Variants in KAZN observed in about 807,000 individuals in gnomAD.
The protein encoded by KAZN is kazrin.
In KAZN, 40 loss-of-function variants were observed where a neutral mutation model predicts 87.4. The ratio of observed to expected loss-of-function variants is 0.46; its 90% CI spans 0.36 to 0.60. The LOEUF (loss-of-function observed/expected upper bound fraction) is 0.60, where lower values mean the gene tolerates loss of function less well. Ranked by LOEUF, KAZN falls within the 20% of genes least tolerant of loss-of-function variation. KAZN has a pLI of 0.00. For synonymous variants in KAZN, 466 were observed against 458.3 expected, an observed-to-expected ratio of 1.02 and a Z score of -0.22; for missense variants, 898 against 1,073.9, an observed-to-expected ratio of 0.84 and a Z score of 2.29.
At chr1:14,623,566 A>G (rs2148645681) in intron 1 of KAZN, among the ~76,000 whole-genome samples, 1 of 152,364 alleles carries the variant, frequency 6.6e-6, no homozygotes, top group East Asian at 1.9e-4. Context: ...CTAAATGCTC[A>G]TGACACACAA....
chr1:14,191,810 C>T (rs949905442), intron 2 of KAZN, among the ~76,000 whole-genome samples: 1 of 152,114 alleles, frequency 6.6e-6, no homozygotes, highest in Non-Finnish European at 1.5e-5. Flanking sequence ...GGAAACTGCA[C>T]AGCAGCTGCC....
At chr1:14,488,617 T>C (rs1669478425) in intron 2 of KAZN, among the ~76,000 whole-genome samples, 1 of 152,208 alleles carries the variant, frequency 6.6e-6, no homozygotes, top group South Asian at 2.1e-4. Flanking sequence ...CCTGCCCTCC[T>C]GTAAGCGTCT....
chr1:14,115,353 A>G (rs1395178686), intron 1 of KAZN, among the ~76,000 whole-genome samples: 1 of 152,124 alleles, frequency 6.6e-6, no homozygotes, highest in Non-Finnish European at 1.5e-5. Context: ...TTGAATTCCC[A>G]CATGTTGTGG....
intron 2 of KAZN, among the ~76,000 whole-genome samples, chr1:14,482,007 G>T (rs1032258950): frequency 1.3e-5 from 2 of 152,218 alleles, no homozygotes; most frequent in South Asian, 4.1e-4. Context: ...GTGGCTTAGG[G>T]ACATGGTAAT....
chr1:14,397,609 C>G lies in KAZN; in HGVS notation c.250-201374C>G, dbSNP rs137860715. On this transcript the variant is annotated intron_variant, in intron 2 of 16. Coordinates refer to the KAZN transcript ENST00000636203. ...CGGTGGTTCATGCCTGTAATCCCAACAGTTTGGGAGGCCGAGGCGGGCGGA... is the reference window on the plus strand; with the variant it reads ...CGGTGGTTCATGCCTGTAATCCCAAGAGTTTGGGAGGCCGAGGCGGGCGGA... 8.0e-3 allele frequency among the ~76,000 whole-genome samples: 1,216 copies of G among 152,152 alleles called. 11 individuals carry two copies. Among genetic ancestry groups the G allele is most frequent in the East Asian group, 0.049 (253 of 5,162 alleles).
At chr1:14,167,280 A>G (rs1412949894) in intron 1 of KAZN, among the ~76,000 whole-genome samples, 2 of 152,082 alleles carry the variant, frequency 1.3e-5, no homozygotes, top group South Asian at 2.1e-4. Context: ...TCCATATTTC[A>G]TTGTGTCTTG....
intron 2 of KAZN, among the ~76,000 whole-genome samples, chr1:14,982,123 C>T (rs551956396): frequency 5.9e-5 from 9 of 152,254 alleles, no homozygotes; most frequent in South Asian, 2.1e-4. Flanking sequence ...GTTATCATGC[C>T]GACTTTACAG....
At chr1:14,142,732 G>A (rs373984317) in intron 1 of KAZN, among the ~76,000 whole-genome samples, 15 of 152,284 alleles carry the variant, frequency 9.9e-5, no homozygotes, top group African/African-American at 2.6e-4. Context: ...AGATGGGCCC[G>A]CTGCAGCTGG....
Position 15,066,909 on chromosome 1 carries a change from T to C in KAZN, c.1222+1156T>C. 1.0e-6 allele frequency: 1 copy of C among 985,424 alleles called. No individual in the cohort carries two copies. Among genetic ancestry groups the C allele is most frequent in the Non-Finnish European group, 1.2e-6 (1 of 829,946 alleles). 61.0% of individuals were successfully genotyped at this position (985,424 alleles called of 1,614,324 possible). On this transcript the variant is annotated intron_variant, in intron 8 of 14. Coordinates refer to ENST00000376030, the MANE Select transcript of KAZN (RefSeq NM_201628.3). This position sits in a 1 kb window ranked among gnomAD's most constrained non-coding sequence, Gnocchi z 4.3. Reference sequence around the variant, plus strand: ...TCCCTCCAGGCCTTTCTCTATATATTTATTTATCTGACATACAGAACACGA... The same window carrying C: ...TCCCTCCAGGCCTTTCTCTATATATCTATTTATCTGACATACAGAACACGA...
rs757322157 is a variant in KAZN at position 15,044,030 on chromosome 1, C to G, written c.597C>G (p.Asp199Glu). The stretch of plus-strand genomic sequence containing the variant: ...TCAAAGCGCTGGCCAAGGAGAAGGA[C>G]CTGCTGGAGCGTGAGAAGTGGGAGC... ...DAVKALAKEK[D>E]LLEREKWELR... Residue 199 changes from aspartate (D) to glutamate (E), a missense_variant, in exon 4 of 15, where the codon GAC (aspartate) becomes GAG (glutamate). This residue lies in a region of KAZN where 521 missense variants were observed against 689.4 expected (regional missense o/e 0.76). Transcript: ENST00000376030. The G allele has an allele frequency of 6.2e-7, 1 of 1,612,356 alleles. No homozygotes were observed. The highest frequency in any genetic ancestry group is 8.5e-7 in the Non-Finnish European group (1 of 1,179,740).
chr1:14,354,414 C>A (rs141928537), intron 2 of KAZN, among the ~76,000 whole-genome samples: 214 of 152,130 alleles, frequency 1.4e-3, no homozygotes, highest in African/African-American at 4.5e-3. Context: ...GTGCCTACAT[C>A]CAACAAAGAA....
intron 1 of KAZN, among the ~76,000 whole-genome samples, chr1:14,718,923 TA>T (rs1642949670): frequency 6.6e-6 from 1 of 152,082 alleles, no homozygotes; most frequent in Non-Finnish European, 1.5e-5. Context: ...TGACATGACA[TA>T]AAAAGAGAAG....
At chr1:13,990,845 T>G (rs143801541) in intron 1 of KAZN, among the ~76,000 whole-genome samples, 1 of 152,334 alleles carries the variant, frequency 6.6e-6, no homozygotes, top group East Asian at 1.9e-4. Flanking sequence ...AATTGTAGAA[T>G]GAAGGAGGTG....
In KAZN at chr1:15,077,989, G is replaced by A. The variant is rs1639834312; in HGVS notation, c.1222+12236G>A. 6.6e-6 allele frequency among the ~76,000 whole-genome samples: 1 copy of A among 152,170 alleles called. No homozygotes were observed. The highest frequency in any genetic ancestry group is 1.5e-5 in the Non-Finnish European group (1 of 68,048). ...GAATGTTTCCTATATGCCAGGTTTA[G>A]GGCTTAGGGCTGAGGATGCAGATGT... On this transcript the variant is annotated intron_variant, in intron 8 of 14. Transcript: ENST00000376030. This position sits in a 1 kb window ranked among gnomAD's most constrained non-coding sequence, Gnocchi z 4.8.
At chr1:15,031,564 T>TGTGTTGTGTC (rs1390876617) in intron 2 of KAZN, among the ~76,000 whole-genome samples, 66 of 138,362 alleles carry the variant, frequency 4.8e-4, no homozygotes, top group African/African-American at 1.9e-3. Context: ...TGTGTTGTGT[T>TGTGTTGTGTC]GTGTTGTGTT....
chr1:14,454,614 G>T (rs1667463034), intron 2 of KAZN, among the ~76,000 whole-genome samples: 1 of 152,156 alleles, frequency 6.6e-6, no homozygotes. Context: ...GTTAGTGAGA[G>T]GCCAGGAAAT....
intron 1 of KAZN, among the ~76,000 whole-genome samples, chr1:14,726,663 A>G (rs79969952): frequency 0.012 from 1,890 of 152,302 alleles, 42 homozygotes; most frequent in South Asian, 0.085. Flanking sequence ...ATGAATTGCA[A>G]TTCCTAGAAG....
intron 3 of KAZN, among the ~76,000 whole-genome samples, 158 bp downstream of exon 3, chr1:15,035,043 G>A (rs191931065): frequency 3.8e-4 from 57 of 151,858 alleles, no homozygotes; most frequent in Admixed American, 1.4e-3. Flanking sequence ...AGATAAAACC[G>A]GCACAACCCC....
At chr1:14,420,794 C>T (rs998282968) in intron 2 of KAZN, among the ~76,000 whole-genome samples, 10 of 152,086 alleles carry the variant, frequency 6.6e-5, no homozygotes, top group Non-Finnish European at 1.5e-4. Context: ...CCGGCCACTC[C>T]CGAGTGCGGG....
Sources: gnomAD v4.1 joint callset for allele counts (sites outside exome capture counted in the v4.1 genomes callset) on GRCh38, gnomAD v4.1.1 for gene constraint, gnomAD v4.1.1 regional missense constraint, Gnocchi (gnomAD v3.1) non-coding constraint, MANE v1.5 for transcripts, NCBI Gene and HGNC (gene_info 2026-07-23, HGNC 2026-07-21) for gene names.